Variants in PIGL observed in about 807,000 individuals in gnomAD.
PIGL encodes the protein phosphatidylinositol glycan anchor biosynthesis class L, also known as N-acetylglucosaminyl-phosphatidylinositol de-N-acetylase.
PIGL carries 22 observed loss-of-function variants against 31.1 expected under a neutral mutation model. That is an observed-to-expected ratio of 0.71 (90% CI 0.51 to 1.01). The LOEUF is 1.01. PIGL is among the 50% of genes least tolerant of loss of function. The pLI, the probability that PIGL is intolerant of heterozygous loss-of-function variation, is 0.00. For missense variants in PIGL, 302 were observed against 315.9 expected (o/e 0.96, Z 0.33); for synonymous variants, 131 against 117.4 (o/e 1.12, Z -0.75).
At chr17:16,222,836 A>G (rs2092635470) in intron 1 of PIGL, among the ~76,000 whole-genome samples, 1 of 151,784 alleles carries the variant, frequency 6.6e-6, no homozygotes, top group African/African-American at 2.4e-5. Flanking sequence ...GCTTGGTGAA[A>G]CCCCATTTCT....
At chr17:16,296,479 A>G (rs890871438) in intron 2 of PIGL, among the ~76,000 whole-genome samples, 2 of 151,706 alleles carry the variant, frequency 1.3e-5, no homozygotes, top group African/African-American at 2.4e-5. Context: ...GCATGGTGGC[A>G]GGTGTCTGTA....
At chr17:16,290,739 G>C (rs7215673) in intron 2 of PIGL, among the ~76,000 whole-genome samples, 7,328 of 151,818 alleles carry the variant, frequency 0.048, 219 homozygotes, top group African/African-American at 0.09. Context: ...GCAGTACAGT[G>C]GTGCGATCAC....
At chr17:16,294,487 G>C (rs3785624) in intron 2 of PIGL, among the ~76,000 whole-genome samples, 2 of 152,044 alleles carry the variant, frequency 1.3e-5, no homozygotes, top group African/African-American at 2.4e-5. Flanking sequence ...CTATAACCAA[G>C]CACCTGGCAG....
At chr17:16,316,162 G>A (rs982073965) in intron 4 of PIGL, among the ~76,000 whole-genome samples, 2 of 152,112 alleles carry the variant, frequency 1.3e-5, no homozygotes, top group East Asian at 3.9e-4. Flanking sequence ...TCTGCCCCCA[G>A]CTTTCTAAAC....
In PIGL at chr17:16,267,497, A is replaced by C. The variant is rs1234591182; in HGVS notation, c.336-32391A>C. 5.9e-5 allele frequency among the ~76,000 whole-genome samples: 9 copies of C among 152,206 alleles called. No homozygotes were observed. The South Asian group carries it at 1.7e-3, about 28-fold the overall frequency. ...AGTTCAAACGTGTTGTTCAAGGGTC[A>C]ACTGTGGTCATATTGTCGGGGTTCT... On this transcript the variant is annotated intron_variant, in intron 2 of 6. Transcript: ENST00000225609.
At chr17:16,229,337 C>CAT (rs933532695) in intron 1 of PIGL, among the ~76,000 whole-genome samples, 30 of 151,434 alleles carry the variant, frequency 2.0e-4, no homozygotes, top group African/African-American at 5.8e-4. Context: ...TATATACATA[C>CAT]ATATATATAT....
chr17:16,250,530 A>G (rs563782230), intron 2 of PIGL, among the ~76,000 whole-genome samples: 2 of 152,156 alleles, frequency 1.3e-5, no homozygotes, highest in Non-Finnish European at 2.9e-5. Context: ...AACACGCAAC[A>G]GTCAGTCTTT....
At chr17:16,322,393 C>T (rs1408008924) in intron 6 of PIGL, among the ~76,000 whole-genome samples, 1 of 152,174 alleles carries the variant, frequency 6.6e-6, no homozygotes, top group Admixed American at 6.5e-5. Flanking sequence ...CCGCACCCAG[C>T]CTGTTCTTCT....
At chr17:16,261,091 C>T (rs145321403) in intron 2 of PIGL, among the ~76,000 whole-genome samples, 1,549 of 149,670 alleles carry the variant, frequency 0.01, 26 homozygotes, top group African/African-American at 0.036. Context: ...TGCACTTCAG[C>T]CTGGGCAACA....
intron 1 of PIGL, among the ~76,000 whole-genome samples, chr17:16,221,477 A>T (rs138795624): frequency 0.012 from 1,483 of 128,598 alleles, 25 homozygotes; most frequent in African/African-American, 0.041. Context: ...TTTGAGACGG[A>T]GTCTCACTGT....
chr17:16,252,067 T>TTTTTTTTTTC (rs1555852351), intron 2 of PIGL, among the ~76,000 whole-genome samples: 38 of 58,718 alleles, frequency 6.5e-4, no homozygotes, highest in African/African-American at 8.8e-4. Context: ...TTTTTTTTCC[T>TTTTTTTTTTC]TTTTTTTTTT....
At chr17:16,317,674 C>T in intron 5 of PIGL, 101 bp from the exon 6 acceptor site, 1 of 1,569,252 alleles carries the variant, frequency 6.4e-7, no homozygotes, top group Non-Finnish European at 8.6e-7. Flanking sequence ...GGCCACTGTC[C>T]TGCCCTGCCC....
At chr17:16,219,580 C>CTTTTTTTTTTTTTTTT (rs1373854424) in intron 1 of PIGL, among the ~76,000 whole-genome samples, 2 of 150,802 alleles carry the variant, frequency 1.3e-5, no homozygotes, top group African/African-American at 2.4e-5. Context: ...GTTTAGTTTT[C>CTTTTTTTTTTTTTTTT]TTTTTGAGAT....
intron 2 of PIGL, among the ~76,000 whole-genome samples, chr17:16,245,747 T>TAC (rs1049390914): frequency 6.6e-6 from 1 of 150,434 alleles, no homozygotes; most frequent in African/African-American, 2.4e-5. Flanking sequence ...CACATATATA[T>TAC]ACACACACAT....
intron 1 of PIGL, among the ~76,000 whole-genome samples, chr17:16,224,892 G>A (rs1241080681): frequency 1.3e-5 from 2 of 150,580 alleles, no homozygotes; most frequent in Non-Finnish European, 3.0e-5. Context: ...TCCTGACCTC[G>A]TGATCCGCCC....
chr17:16,220,359 TAGAG>T (rs569145419), intron 1 of PIGL, among the ~76,000 whole-genome samples: 4 of 151,680 alleles, frequency 2.6e-5, no homozygotes, highest in Admixed American at 2.6e-4. Flanking sequence ...AAAATATATA[TAGAG>T]AGAGAGAGCA....
chr17:16,241,414 C>A (rs2092722880), intron 2 of PIGL, among the ~76,000 whole-genome samples: 1 of 151,648 alleles, frequency 6.6e-6, no homozygotes, highest in African/African-American at 2.4e-5. Context: ...CGTGGAGAAA[C>A]CCCATCTCTA....
At chr17:16,316,745 G>A in intron 5 of PIGL, 33 bp downstream of exon 5, 1 of 1,607,570 alleles carries the variant, frequency 6.2e-7, no homozygotes, top group Middle Eastern at 1.7e-4. Context: ...AGGGCCACAA[G>A]ATACTGTCCC....
Position 16,300,020 on chromosome 17 carries a change from T to A in PIGL, c.426+42T>A, listed in dbSNP as rs200163168. 76 of 1,460,760 alleles carry A rather than the reference T, an allele frequency of 5.2e-5. No homozygotes were observed. In the African/African-American group the frequency reaches 9.6e-4, roughly 18 times the overall value. 90.5% of individuals were successfully genotyped at this position (1,460,760 alleles called of 1,614,324 possible). The stretch of plus-strand genomic sequence containing the variant: ...CTGAATGGAAAACCTGAGGTCTTGG[T>A]CCCATTCACACCAGGTGGTTTCTGT... On this transcript the variant is annotated intron_variant, in intron 3 of 6. Coordinates refer to ENST00000225609, the MANE Select transcript of PIGL (RefSeq NM_004278.4).
Sources: allele counts gnomAD v4.1 joint callset (sites outside exome capture counted in the v4.1 genomes callset), GRCh38; gene constraint gnomAD v4.1.1; transcripts MANE v1.5; gene names NCBI Gene and HGNC (gene_info 2026-07-23, HGNC 2026-07-21).